Variants in KIR2DL4 observed in about 807,000 individuals in gnomAD.
KIR2DL4 encodes the protein killer cell immunoglobulin like receptor, two Ig domains and long cytoplasmic tail 4.
In KIR2DL4, 41 loss-of-function variants were observed where a neutral mutation model predicts 31.0. The ratio of observed to expected loss-of-function variants is 1.32; its 90% CI spans 1.03 to 1.72. KIR2DL4 has a LOEUF of 1.72. Among genes scored for constraint, KIR2DL4 ranks in the 40% most tolerant of loss-of-function variants. The pLI is 0.00. For synonymous variants in KIR2DL4, 164 were observed against 133.6 expected (o/e 1.23, Z -1.57); for missense variants, 438 against 353.7 (o/e 1.24, Z -1.91).
intron 2 of KIR2DL4, 128 bp downstream of exon 2, chr19:54,804,054 C>T: frequency 1.1e-6 from 1 of 870,824 alleles, no homozygotes; most frequent in Non-Finnish European, 1.9e-6. Context: ...GGGGGAGTCT[C>T]TCATGAACTA....
intron 4 of KIR2DL4, among the ~76,000 whole-genome samples, chr19:54,806,936 A>G (rs1208282445): frequency 2.7e-5 from 4 of 150,866 alleles, no homozygotes; most frequent in African/African-American, 7.4e-5. Flanking sequence ...AGTGGCTTAA[A>G]CCCAGGAGGA....
chr19:54,810,469 C>T (rs2060795676), intron 5 of KIR2DL4, among the ~76,000 whole-genome samples: 1 of 151,388 alleles, frequency 6.6e-6, no homozygotes, highest in Non-Finnish European at 1.5e-5. Context: ...TGTATAATTT[C>T]GGGTGACAGA....
In KIR2DL4 at chr19:54,813,207, T is replaced by C. The variant is rs866609261; in HGVS notation, c.789T>C (p.His263=). 2.0e-6 allele frequency: 3 copies of C among 1,524,632 alleles called. 1 individual carries two copies. The Middle Eastern group carries it at 5.5e-4, about 277-fold the overall frequency. 94.4% of individuals were successfully genotyped at this position (1,524,632 alleles called of 1,614,324 possible). The change falls in exon 6 of 8, where the codon CAT becomes CAC. Residue 263 remains histidine (H), a synonymous_variant. Coordinates refer to ENST00000359085, the Ensembl canonical transcript of KIR2DL4. ...CCATCCTTCCCTTCTTTCTCCTTCA[T>C]CGCTGGTGCTCCAAAAAAAAAGTAA...
At chr19:54,814,096 A>G (rs1269953283) in exon 8 of KIR2DL4, 1 of 1,611,464 alleles carries the variant, frequency 6.2e-7, no homozygotes, top group Admixed American at 1.7e-5. Flanking sequence ...CTAATGTACC[A>G]GCAGCTGGAA....
At chr19:54,807,620 T>C (rs1204641144) in intron 4 of KIR2DL4, among the ~76,000 whole-genome samples, 1 of 149,218 alleles carries the variant, frequency 6.7e-6, no homozygotes, top group Non-Finnish European at 1.5e-5. Context: ...GTATTTTTAG[T>C]AGAGACGGGG....
In KIR2DL4 at chr19:54,813,905, CAG is replaced by C. The variant is rs375826484; in HGVS notation, c.*109_*110del. The C allele has an allele frequency of 4.2e-5, 68 of 1,612,406 alleles. 3 individuals are homozygous for C. Among genetic ancestry groups the C allele is most frequent in the East Asian group, 1.8e-4 (8 of 44,864 alleles). ...ACAGTTGGATCACTGCATTTTCACA[CAG>C]AGAAAAATCACTGGCCCTTCTCAGA... is the stretch of plus-strand genomic sequence containing the variant. On this transcript the variant is annotated 3_prime_UTR_variant, in exon 8 of 8. Transcript: ENST00000359085.
intron 4 of KIR2DL4, among the ~76,000 whole-genome samples, chr19:54,807,509 C>G (rs2060598754): frequency 6.6e-6 from 1 of 151,034 alleles, no homozygotes; most frequent in Non-Finnish European, 1.5e-5. Flanking sequence ...ACCACCTGGG[C>G]TCACTGCAAC....
In KIR2DL4 at chr19:54,804,892, T is replaced by C. The variant is rs371281278; in HGVS notation, c.176T>C (p.Ile59Thr). Residue 59 changes from isoleucine (I) to threonine (T), a missense_variant, in exon 3 of 8, where the codon ATC becomes ACC. Coordinates refer to ENST00000359085, the Ensembl canonical transcript of KIR2DL4. ...TGTCACTATCGTCGTGGGTTTAACATCTTCACGCTGTACAAGAAAGATGGG... is the reference window on the plus strand; with the variant it reads ...TGTCACTATCGTCGTGGGTTTAACACCTTCACGCTGTACAAGAAAGATGGG... 3.7e-5 allele frequency: 59 copies of C among 1,612,116 alleles called. 1 individual carries two copies. Among genetic ancestry groups the C allele is most frequent in the Non-Finnish European group, 4.8e-5 (57 of 1,179,662 alleles).
At chr19:54,808,101 C>A (rs1452318366) in intron 4 of KIR2DL4, among the ~76,000 whole-genome samples, 6 of 150,826 alleles carry the variant, frequency 4.0e-5, no homozygotes, top group East Asian at 1.9e-4. Flanking sequence ...TTAATCCCAT[C>A]TCAGATGCAT....
intron 5 of KIR2DL4, among the ~76,000 whole-genome samples, chr19:54,810,713 G>A (rs1314272126): frequency 2.6e-5 from 4 of 151,112 alleles, no homozygotes; most frequent in Non-Finnish European, 5.9e-5. Flanking sequence ...AAACTAAGGA[G>A]CAACAAGGAG....
chr19:54,806,135 C>A (rs1209696260), exon 4 of KIR2DL4: 3 of 1,611,698 alleles, frequency 1.9e-6, no homozygotes, highest in East Asian at 4.5e-5. Flanking sequence ...AGGCCGACTT[C>A]CCTCTGGGTC....
intron 6 of KIR2DL4, chr19:54,813,339 G>C (rs1164628624): frequency 6.5e-7 from 1 of 1,527,240 alleles, no homozygotes; most frequent in African/African-American, 1.4e-5. Context: ...CCCAAGGCAG[G>C]AGCCAGAGGC....
At chr19:54,806,887 C>T (rs1465794620) in intron 4 of KIR2DL4, among the ~76,000 whole-genome samples, 6 of 150,726 alleles carry the variant, frequency 4.0e-5, no homozygotes, top group South Asian at 2.1e-4. Context: ...TGGTGCCAGG[C>T]GCCTATAATC....
chr19:54,808,838 C>G (rs1601176397), exon 5 of KIR2DL4: 2 of 1,589,252 alleles, frequency 1.3e-6, no homozygotes, highest in South Asian at 1.1e-5. Context: ...TCTAGGAAAC[C>G]CTTCTAGTAG....
intron 5 of KIR2DL4, among the ~76,000 whole-genome samples, chr19:54,809,537 A>C (rs2060729449): frequency 6.6e-6 from 1 of 151,308 alleles, no homozygotes; most frequent in South Asian, 2.1e-4. Flanking sequence ...GGCTAAAATC[A>C]AGGTGACAGC....
At chr19:54,804,655 TG>T in intron 2 of KIR2DL4, 137 bp from the exon 3 acceptor site, 1 of 831,732 alleles carries the variant, frequency 1.2e-6, no homozygotes, top group Non-Finnish European at 1.9e-6. Context: ...CTATGCGGGA[TG>T]GGTCCTTCCT....
At chr19:54,805,032 A>G (rs1188722946) in exon 3 of KIR2DL4, 5 of 1,610,538 alleles carry the variant, frequency 3.1e-6, no homozygotes, top group Non-Finnish European at 4.2e-6. Flanking sequence ...GCACTCCCCC[A>G]CTGAGTGGTC....
At chr19:54,807,950 G>A (rs1247350056) in intron 4 of KIR2DL4, among the ~76,000 whole-genome samples, 1 of 151,090 alleles carries the variant, frequency 6.6e-6, no homozygotes, top group African/African-American at 2.4e-5. Flanking sequence ...GTGATACTGA[G>A]CACTTTTTCA....
chr19:54,804,841 C>T, exon 3 of KIR2DL4: 1 of 1,612,328 alleles, frequency 6.2e-7, no homozygotes, highest in Non-Finnish European at 8.5e-7. Flanking sequence ...GCTGTGGTGC[C>T]TCAAGGAGGA....
Sources: gnomAD v4.1 joint callset for allele counts (sites outside exome capture counted in the v4.1 genomes callset) on GRCh38, gnomAD v4.1.1 for gene constraint, MANE v1.5 for transcripts, NCBI Gene and HGNC (gene_info 2026-07-23, HGNC 2026-07-21) for gene names.